The following IL2RA variants were observed in gnomAD, a reference collection of about 807,000 sequenced individuals.
IL2RA encodes interleukin-2 receptor subunit alpha.
A neutral mutation model predicts 37.8 loss-of-function variants in IL2RA; 24 were observed. That is an observed-to-expected ratio of 0.63 (90% CI 0.46 to 0.89). The LOEUF (loss-of-function observed/expected upper bound fraction) is 0.89. IL2RA is among the 40% of genes least tolerant of loss of function. IL2RA has a pLI of 0.00. For missense variants in IL2RA, 319 were observed against 348.6 expected, an observed-to-expected ratio of 0.92 and a Z score of 0.68; for synonymous variants, 125 against 114.6, an observed-to-expected ratio of 1.09 and a Z score of -0.58.
chr10:6,036,908 T>C lies in IL2RA; in HGVS notation c.65-10883A>G, dbSNP rs1224857881. On this transcript the variant is annotated intron_variant, in intron 1 of 7. Transcript: ENST00000379959. This position sits in a 1 kb window ranked among gnomAD's most constrained non-coding sequence, Gnocchi z 6.1. ...GCGTGTGTGCAGAGCCCCCGGGATC[T>C]TGCAGACTGGGATTTGTCAGGGCAG... Among the ~76,000 whole-genome samples, 1 of 152,118 alleles carries C rather than the reference T, an allele frequency of 6.6e-6. No individual in the cohort carries two copies. Among genetic ancestry groups the C allele is most frequent in the Non-Finnish European group, 1.5e-5 (1 of 68,004 alleles).
chr10:6,048,224 G>A lies in IL2RA; in HGVS notation c.64+13864C>T, dbSNP rs142147915. ...GTAAGCAAGAAGAGGGGTTGCTGGCGTTAAGAGATTTTAGAAGTTGGAATT... is the reference window on the plus strand; with the variant it reads ...GTAAGCAAGAAGAGGGGTTGCTGGCATTAAGAGATTTTAGAAGTTGGAATT... On this transcript the variant is annotated intron_variant, in intron 1 of 7. Transcript: ENST00000379959. The surrounding 1 kb of genome is among the most constrained non-coding windows in gnomAD (Gnocchi z 5.3). 8.3e-4 allele frequency among the ~76,000 whole-genome samples: 127 copies of A among 152,348 alleles called. 2 individuals carry two copies. Among genetic ancestry groups the A allele is most frequent in the Middle Eastern group, 3.4e-3 (1 of 294 alleles).
At chr10:6,050,824 G>A (rs541499931) in intron 1 of IL2RA, among the ~76,000 whole-genome samples, 1 of 152,340 alleles carries the variant, frequency 6.6e-6, no homozygotes, top group Non-Finnish European at 1.5e-5. Context: ...CCTGGCTACA[G>A]GTCCTCTTGC....
chr10:6,039,111 A>G lies in IL2RA; in HGVS notation c.65-13086T>C, dbSNP rs529973463. Among the ~76,000 whole-genome samples, 126 of 152,348 alleles carry G rather than the reference A, an allele frequency of 8.3e-4. 2 individuals are homozygous for G. The highest frequency in any genetic ancestry group is 3.4e-3 in the Middle Eastern group (1 of 294). ...ACATGCTTAAAGCATAAATGCTCCAAAAGTTTGAAACTAAAAGAATGGACA... is the reference window on the plus strand; with the variant it reads ...ACATGCTTAAAGCATAAATGCTCCAGAAGTTTGAAACTAAAAGAATGGACA... On this transcript the variant is annotated intron_variant, in intron 1 of 7. Transcript: ENST00000379959.
intron 1 of IL2RA, among the ~76,000 whole-genome samples, chr10:6,034,650 A>G (rs1209338991): frequency 6.6e-6 from 1 of 152,138 alleles, no homozygotes; most frequent in Non-Finnish European, 1.5e-5. Context: ...CTCATTCTCT[A>G]GTTTTACTCA....
At chr10:6,040,716 T>C (rs1052885431) in intron 1 of IL2RA, among the ~76,000 whole-genome samples, 2 of 152,200 alleles carry the variant, frequency 1.3e-5, no homozygotes, top group African/African-American at 4.8e-5. Flanking sequence ...CTCACTCCAA[T>C]TGACTTTAAA....
In IL2RA at chr10:6,048,046, A is replaced by G. The variant is rs1839894113; in HGVS notation, c.64+14042T>C. Among the ~76,000 whole-genome samples the G allele has an allele frequency of 6.6e-6, 1 of 152,294 alleles. No individual in the cohort carries two copies. Among genetic ancestry groups the G allele is most frequent in the African/African-American group, 2.4e-5 (1 of 41,568 alleles). ...GGCAGCCTGACAAGTGCGTGCTCTT[A>G]CGCACAAGTGTCTGCCTGTCCTCCC... On this transcript the variant is annotated intron_variant, in intron 1 of 7. Coordinates refer to ENST00000379959, the MANE Select transcript of IL2RA (RefSeq NM_000417.3). The surrounding 1 kb of genome is among the most constrained non-coding windows in gnomAD (Gnocchi z 5.3).
rs184710058 is a variant in IL2RA, at chr10:6,044,350, G to A, written c.64+17738C>T. ...CTCCGTGACTGCTTCTGTAGAGCAGGGCGACCACATAGGCAGAGAGTAGTA... is the reference window on the plus strand; with the variant it reads ...CTCCGTGACTGCTTCTGTAGAGCAGAGCGACCACATAGGCAGAGAGTAGTA... On this transcript the variant is annotated intron_variant, in intron 1 of 7. Coordinates refer to ENST00000379959, the MANE Select transcript of IL2RA (RefSeq NM_000417.3). The surrounding 1 kb of genome is among the most constrained non-coding windows in gnomAD (Gnocchi z 4.5). Among the ~76,000 whole-genome samples the A allele has an allele frequency of 3.5e-3, 526 of 152,330 alleles. 3 individuals are homozygous for A. The highest frequency in any genetic ancestry group is 0.017 in the Middle Eastern group (5 of 294).
chr10:6,024,566 A>G (rs1839448431), intron 2 of IL2RA, among the ~76,000 whole-genome samples: 1 of 152,034 alleles, frequency 6.6e-6, no homozygotes, highest in Non-Finnish European at 1.5e-5. Flanking sequence ...TGCCCACGAC[A>G]TGTTTTTGAG....
chr10:6,032,536 C>CA (rs1447398872), intron 1 of IL2RA, among the ~76,000 whole-genome samples: 2 of 151,466 alleles, frequency 1.3e-5, no homozygotes, highest in Non-Finnish European at 2.9e-5. Flanking sequence ...ACTAAAAATA[C>CA]AAAAAAATTA....
At chr10:6,050,165 G>A (rs948191089) in intron 1 of IL2RA, among the ~76,000 whole-genome samples, 4 of 152,156 alleles carry the variant, frequency 2.6e-5, no homozygotes, top group Admixed American at 2.6e-4. Flanking sequence ...TGAATAACAG[G>A]GTGACTGAAA....
Position 6,012,218 on chromosome 10 carries a change from A to T in IL2RA, c.*654T>A, listed in dbSNP as rs1839201569. The stretch of plus-strand genomic sequence containing the variant: ...CCCGTTTTGAAGTTACCCAAAGATT[A>T]TTCTGCCATGGCCTCTGTTTTTTAG... On this transcript the variant is annotated 3_prime_UTR_variant, in exon 8 of 8. Coordinates refer to ENST00000379959, the MANE Select transcript of IL2RA (RefSeq NM_000417.3). The surrounding 1 kb of genome is among the most constrained non-coding windows in gnomAD (Gnocchi z 4.8). The T allele has an allele frequency of 6.5e-6, 1 of 152,768 alleles. No individual in the cohort carries two copies. The highest frequency in any genetic ancestry group is 2.4e-5 in the African/African-American group (1 of 41,434). The allele number at this position is 152,768 out of a possible 1,614,324, so 9.5% of individuals were successfully genotyped here.
rs372975017 is a variant in IL2RA, at chr10:6,050,339, G to A, written c.64+11749C>T. On this transcript the variant is annotated intron_variant, in intron 1 of 7. Coordinates refer to ENST00000379959, the MANE Select transcript of IL2RA (RefSeq NM_000417.3). ...CCTCATGGTCTCAGTTTCCTCATCCGTAAAATGGGAATGGTGGCAGGGCGT... is the reference window on the plus strand; with the variant it reads ...CCTCATGGTCTCAGTTTCCTCATCCATAAAATGGGAATGGTGGCAGGGCGT... 1.1e-4 allele frequency among the ~76,000 whole-genome samples: 16 copies of A among 152,234 alleles called. 1 individual carries two copies. The East Asian group carries it at 1.4e-3, about 13-fold the overall frequency.
In IL2RA at chr10:6,048,192, GTGA is replaced by G. The variant is rs1178598956; in HGVS notation, c.64+13893_64+13895del. Among the ~76,000 whole-genome samples the G allele has an allele frequency of 3.3e-5, 5 of 152,244 alleles. No homozygotes were observed. The highest frequency in any genetic ancestry group is 1.2e-4 in the African/African-American group (5 of 41,460). On this transcript the variant is annotated intron_variant, in intron 1 of 7. Coordinates refer to ENST00000379959, the MANE Select transcript of IL2RA (RefSeq NM_000417.3). This position sits in a 1 kb window ranked among gnomAD's most constrained non-coding sequence, Gnocchi z 5.3. ...TGTCATGGGAGTCCTGAGGTGGGTG[GTGA>G]TAAGTAAGCAAGAAGAGGGGTTGCT...
Position 6,020,093 on chromosome 10 carries a change from G to T in IL2RA, c.584-152C>A. The T allele has an allele frequency of 3.0e-6, 2 of 670,698 alleles. No homozygotes were observed. Among genetic ancestry groups the T allele is most frequent in the South Asian group, 3.3e-5 (2 of 60,038 alleles). The allele number at this position is 670,698 out of a possible 1,614,324, so 41.5% of individuals were successfully genotyped here. On this transcript the variant is annotated intron_variant, in intron 4 of 7. Transcript: ENST00000379959. This position sits in a 1 kb window ranked among gnomAD's most constrained non-coding sequence, Gnocchi z 5.6. ...TTCGCCAGGGATGCCACCCCTCATG[G>T]TTCCACAGCAGGGGCACTGGGAAGC...
At chr10:6,040,674 A>G (rs1839757533) in intron 1 of IL2RA, among the ~76,000 whole-genome samples, 1 of 152,176 alleles carries the variant, frequency 6.6e-6, no homozygotes, top group African/African-American at 2.4e-5. Flanking sequence ...CCCCAAAGAC[A>G]CTCAAGGACT....
Position 6,015,216 on chromosome 10 carries a change from C to T in IL2RA, c.795-2320G>A, listed in dbSNP as rs2132843780. 6.6e-6 allele frequency among the ~76,000 whole-genome samples: 1 copy of T among 151,992 alleles called. No individual in the cohort carries two copies. Among genetic ancestry groups the T allele is most frequent in the African/African-American group, 2.4e-5 (1 of 41,458 alleles). ...CAAGCGATTCTCCTGCATCAGCCTC[C>T]CGAGTAGCTAAGATTATAGGTGCGC... On this transcript the variant is annotated intron_variant, in intron 7 of 7. Transcript: ENST00000379959. The surrounding 1 kb of genome is among the most constrained non-coding windows in gnomAD (Gnocchi z 4.9).
intron 1 of IL2RA, among the ~76,000 whole-genome samples, chr10:6,041,646 A>G (rs1839773662): frequency 6.6e-6 from 1 of 152,244 alleles, no homozygotes; most frequent in Admixed American, 6.5e-5. Flanking sequence ...AGACAGAGGT[A>G]TTCTGATTGA....
intron 1 of IL2RA, among the ~76,000 whole-genome samples, chr10:6,038,099 G>T (rs1050907644): frequency 6.6e-6 from 1 of 152,176 alleles, no homozygotes; most frequent in African/African-American, 2.4e-5. Flanking sequence ...ACATTTTATA[G>T]ATAAGAACAC....
At chr10:6,023,711 C>A (rs972931989) in intron 3 of IL2RA, among the ~76,000 whole-genome samples, 1 of 152,228 alleles carries the variant, frequency 6.6e-6, no homozygotes, top group African/African-American at 2.4e-5. Context: ...AGCCACAGTG[C>A]CCACTCATGC....
Sources: gnomAD v4.1 joint callset for allele counts (sites outside exome capture counted in the v4.1 genomes callset) on GRCh38, gnomAD v4.1.1 for gene constraint, Gnocchi (gnomAD v3.1) non-coding constraint, MANE v1.5 for transcripts, NCBI Gene and HGNC (gene_info 2026-07-23, HGNC 2026-07-21) for gene names.